Variants in PARD3B observed in about 807,000 individuals in gnomAD.
The protein encoded by PARD3B is par-3 family cell polarity regulator beta.
In PARD3B, 103 loss-of-function variants were observed where a neutral mutation model predicts 130.2. That is an observed-to-expected ratio of 0.79 (90% CI 0.67 to 0.93). The LOEUF (loss-of-function observed/expected upper bound fraction) is 0.93, where lower values mean the gene tolerates loss of function less well. Ranked by LOEUF, PARD3B falls within the 40% of genes least tolerant of loss-of-function variation. PARD3B has a pLI of 0.00. For missense variants in PARD3B, 1,609 were observed against 1,499.2 expected (o/e 1.07, Z -1.21); for synonymous variants, 583 against 553.2 (o/e 1.05, Z -0.76).
chr2:204,724,631 ACTTGGAGAGGTGACCCTTTGATATT>A (rs1417290186), intron 2 of PARD3B, among the ~76,000 whole-genome samples: 2 of 152,276 alleles, frequency 1.3e-5, no homozygotes, highest in Non-Finnish European at 2.9e-5. Flanking sequence ...GTGCTGCATA[ACTTGGAGAGGTGACCCTTTGATATT>A]CAGTTTATTA....
Position 205,301,896 on chromosome 2 carries a change from A to ACACT in PARD3B, c.2630+196_2630+199dup. The ACACT allele has an allele frequency of 1.2e-6, 1 of 832,006 alleles. No homozygotes were observed. The highest frequency in any genetic ancestry group is 2.1e-6 in the Non-Finnish European group (1 of 487,228). 51.5% of individuals were successfully genotyped at this position (832,006 alleles called of 1,614,324 possible). On this transcript the variant is annotated intron_variant, in intron 18 of 22. Coordinates refer to ENST00000406610, the MANE Select transcript of PARD3B (RefSeq NM_001302769.2). The surrounding 1 kb of genome is among the most constrained non-coding windows in gnomAD (Gnocchi z 5.2). ...TGGGGAAAGTTACAGTGATGACAGG[A>ACACT]CACTGTCTTAAGTTTGTTGTCAAAG...
intron 1 of PARD3B, among the ~76,000 whole-genome samples, chr2:204,578,994 G>T (rs2032409233): frequency 6.6e-6 from 1 of 151,994 alleles, no homozygotes; most frequent in South Asian, 2.1e-4. Flanking sequence ...GAGTTGTCAG[G>T]AAGCGTGTGG....
chr2:204,825,653 C>G (rs1284243199), intron 2 of PARD3B, among the ~76,000 whole-genome samples: 1 of 152,192 alleles, frequency 6.6e-6, no homozygotes, highest in Non-Finnish European at 1.5e-5. Flanking sequence ...GTGGCCACCA[C>G]ATGAGTCAAG....
intron 15 of PARD3B, among the ~76,000 whole-genome samples, chr2:205,238,849 A>AAAAAAAT (rs1273582854): frequency 3.9e-5 from 3 of 76,904 alleles, no homozygotes; most frequent in Non-Finnish European, 6.9e-5. Flanking sequence ...AAAAAAAAAA[A>AAAAAAAT]ATATATATAT....
In PARD3B at chr2:205,563,087, A is replaced by G. The variant is rs527873437; in HGVS notation, c.3260+9684A>G. Among the ~76,000 whole-genome samples the G allele has an allele frequency of 1.3e-5, 2 of 152,356 alleles. No homozygotes were observed. Among genetic ancestry groups the G allele is most frequent in the African/African-American group, 4.8e-5 (2 of 41,590 alleles). On this transcript the variant is annotated intron_variant, in intron 22 of 22. Transcript: ENST00000406610. This position sits in a 1 kb window ranked among gnomAD's most constrained non-coding sequence, Gnocchi z 4.2. The stretch of plus-strand genomic sequence containing the variant: ...GGATAAAAAGTTAGTGCCTCACCAA[A>G]TGCATGAATACATGATATTATTCAA...
At chr2:205,218,885 G>A (rs2038087728) in intron 15 of PARD3B, among the ~76,000 whole-genome samples, 1 of 152,128 alleles carries the variant, frequency 6.6e-6, no homozygotes, top group Non-Finnish European at 1.5e-5. Context: ...TTCAAGACCA[G>A]CCTGCCCAAC....
chr2:204,834,082 T>C (rs1394410319), intron 2 of PARD3B, among the ~76,000 whole-genome samples: 4 of 148,014 alleles, frequency 2.7e-5, no homozygotes, highest in Non-Finnish European at 5.9e-5. Flanking sequence ...TATGCAATAT[T>C]TTTTTTTTAG....
At chr2:205,203,226 T>G (rs561846406) in intron 15 of PARD3B, among the ~76,000 whole-genome samples, 2 of 152,132 alleles carry the variant, frequency 1.3e-5, no homozygotes. Flanking sequence ...TAGAACATTG[T>G]CTGTGCTCTG....
At chr2:205,392,287 T>G (rs916029340) in intron 18 of PARD3B, among the ~76,000 whole-genome samples, 2 of 152,164 alleles carry the variant, frequency 1.3e-5, no homozygotes, top group African/African-American at 4.8e-5. Flanking sequence ...ATCAACATAT[T>G]TGAGATCTGA....
At chr2:204,636,464 G>T (rs960549388) in intron 1 of PARD3B, among the ~76,000 whole-genome samples, 4 of 148,886 alleles carry the variant, frequency 2.7e-5, no homozygotes, top group Non-Finnish European at 4.4e-5. Flanking sequence ...GTGTGTGTGT[G>T]TGTGTGTGTG....
At chr2:205,067,026 A>G (rs909291641) in intron 4 of PARD3B, among the ~76,000 whole-genome samples, 14 of 147,778 alleles carry the variant, frequency 9.5e-5, no homozygotes, top group African/African-American at 3.0e-4. Flanking sequence ...AAATTATCTC[A>G]GTAGAAACTA....
At chr2:205,514,622 A>G (rs930722403) in intron 21 of PARD3B, among the ~76,000 whole-genome samples, 16 of 152,008 alleles carry the variant, frequency 1.1e-4, no homozygotes, top group African/African-American at 3.9e-4. Flanking sequence ...AGATAGATAC[A>G]GACACAATTT....
chr2:204,949,238 G>A (rs1056055401), intron 2 of PARD3B, among the ~76,000 whole-genome samples: 1 of 152,098 alleles, frequency 6.6e-6, no homozygotes, highest in Non-Finnish European at 1.5e-5. Context: ...TGGATATTAT[G>A]TTCTAATTGG....
At chr2:205,345,110 C>A (rs970674523) in intron 18 of PARD3B, among the ~76,000 whole-genome samples, 1 of 152,066 alleles carries the variant, frequency 6.6e-6, no homozygotes, top group South Asian at 2.1e-4. Context: ...TGGTTGAGAT[C>A]CCTAAAGCAA....
At chr2:204,590,834 C>T (rs1212543519) in intron 1 of PARD3B, among the ~76,000 whole-genome samples, 1 of 152,124 alleles carries the variant, frequency 6.6e-6, no homozygotes, top group Non-Finnish European at 1.5e-5. Context: ...AATCACCATT[C>T]TTTGCTAAAA....
rs973399280 is a variant in PARD3B, at chr2:204,545,961, C to T, written c.-39C>T. On this transcript the variant is annotated 5_prime_UTR_variant, in exon 1 of 23. Coordinates refer to ENST00000406610, the MANE Select transcript of PARD3B (RefSeq NM_001302769.2). ...GGGGCTGCGCCCGCGGGGTCAGACACCTGTTCGGCCCGGCCCGGCGTGGTC... is the reference window on the plus strand; with the variant it reads ...GGGGCTGCGCCCGCGGGGTCAGACATCTGTTCGGCCCGGCCCGGCGTGGTC... 3.3e-6 allele frequency: 5 copies of T among 1,529,202 alleles called. No individual in the cohort carries two copies. Among genetic ancestry groups the T allele is most frequent in the Admixed American group, 4.0e-5 (2 of 50,532 alleles). The allele number at this position is 1,529,202 out of a possible 1,614,324, so 94.7% of individuals were successfully genotyped here.
At chr2:205,129,016 G>T (rs896708403) in intron 10 of PARD3B, among the ~76,000 whole-genome samples, 7 of 152,202 alleles carry the variant, frequency 4.6e-5, no homozygotes, top group Non-Finnish European at 7.3e-5. Flanking sequence ...GCAACTGTGA[G>T]ATTATGAGTG....
At chr2:204,651,118 G>A (rs1276467869) in intron 1 of PARD3B, among the ~76,000 whole-genome samples, 1 of 152,128 alleles carries the variant, frequency 6.6e-6, no homozygotes, top group Non-Finnish European at 1.5e-5. Flanking sequence ...CAAATCTCAT[G>A]TCCTTCTCAC....
At chr2:204,618,843 A>T (rs1285534339) in intron 1 of PARD3B, among the ~76,000 whole-genome samples, 1 of 151,940 alleles carries the variant, frequency 6.6e-6, no homozygotes. Context: ...TAATTCCTAC[A>T]CTTGGCTTAA....
Sources: allele counts gnomAD v4.1 joint callset (sites outside exome capture counted in the v4.1 genomes callset), GRCh38; gene constraint gnomAD v4.1.1; non-coding constraint Gnocchi (gnomAD v3.1); transcripts MANE v1.5; gene names NCBI Gene and HGNC (gene_info 2026-07-23, HGNC 2026-07-21).